The following NT5DC1 variants were observed in gnomAD, a reference collection of about 807,000 sequenced individuals.
NT5DC1 encodes 5'-nucleotidase domain-containing protein 1.
NT5DC1 carries 42 observed loss-of-function variants against 59.4 expected under a neutral mutation model. The observed-to-expected ratio is 0.71, with a 90% CI of 0.55 to 0.92. The LOEUF is 0.92. Among genes scored for constraint, NT5DC1 ranks in the 40% least tolerant of loss-of-function variants. The pLI is 0.00. For missense variants in NT5DC1, 501 were observed against 537.1 expected, an observed-to-expected ratio of 0.93 and a Z score of 0.66; for synonymous variants, 172 against 188.1, an observed-to-expected ratio of 0.91 and a Z score of 0.70.
At chr6:116,111,583 C>G (rs777699062) in intron 4 of NT5DC1, among the ~76,000 whole-genome samples, 2 of 152,030 alleles carry the variant, frequency 1.3e-5, no homozygotes, top group Non-Finnish European at 2.9e-5. Flanking sequence ...TTTATTTGTT[C>G]CAATTTTTTT....
chr6:116,129,798 C>T (rs1779417797), intron 6 of NT5DC1, among the ~76,000 whole-genome samples: 2 of 152,114 alleles, frequency 1.3e-5, no homozygotes, highest in African/African-American at 4.8e-5. Flanking sequence ...GTTGAAAAGC[C>T]GTGTCATCTG....
intron 6 of NT5DC1, among the ~76,000 whole-genome samples, chr6:116,178,088 T>TGTGTGTGTGTGTGTGCGC (rs1491426656): frequency 2.0e-5 from 2 of 99,624 alleles, no homozygotes; most frequent in African/African-American, 9.3e-5. Context: ...TGTGTGTGTG[T>TGTGTGTGTGTGTGTGCGC]GCGCGCGCGC....
At chr6:116,236,933 A>C (rs1353562794) in intron 8 of NT5DC1, 33 bp from the exon 9 acceptor site, 2 of 1,388,340 alleles carry the variant, frequency 1.4e-6, no homozygotes, top group Admixed American at 3.4e-5. Flanking sequence ...TCACTTGATT[A>C]AAAAGTATAT....
chr6:116,125,613 C>A (rs570719299), intron 6 of NT5DC1: 7 of 968,546 alleles, frequency 7.2e-6, no homozygotes, highest in Admixed American at 2.2e-5. Flanking sequence ...CTTTTTTAAC[C>A]TATCCTATAT....
intron 6 of NT5DC1, among the ~76,000 whole-genome samples, chr6:116,143,175 A>G (rs1582831118): frequency 6.6e-6 from 1 of 152,156 alleles, no homozygotes; most frequent in Non-Finnish European, 1.5e-5. Flanking sequence ...CATAGATAAT[A>G]TTAAAAGAGA....
chr6:116,218,326 A>G (rs963041858), intron 6 of NT5DC1, among the ~76,000 whole-genome samples: 1 of 152,176 alleles, frequency 6.6e-6, no homozygotes, highest in Non-Finnish European at 1.5e-5. Flanking sequence ...CATATAGCTA[A>G]GAAAAAATAA....
At chr6:116,156,421 A>G (rs1288101559) in intron 6 of NT5DC1, among the ~76,000 whole-genome samples, 1 of 152,208 alleles carries the variant, frequency 6.6e-6, no homozygotes, top group Non-Finnish European at 1.5e-5. Context: ...AATGTGTTCC[A>G]TTATCTTTGC....
chr6:116,180,105 G>A (rs904222170), intron 6 of NT5DC1, among the ~76,000 whole-genome samples: 13 of 151,894 alleles, frequency 8.6e-5, no homozygotes, highest in African/African-American at 3.1e-4. Context: ...TATCCCCAAA[G>A]GATAAGTGTT....
chr6:116,149,764 G>A (rs1294132532), intron 6 of NT5DC1, among the ~76,000 whole-genome samples: 2 of 152,214 alleles, frequency 1.3e-5, no homozygotes, highest in African/African-American at 2.4e-5. Flanking sequence ...AATAAGTGGT[G>A]AAAGAGTTAT....
At position 116,163,135 on chromosome 6, in the gene NT5DC1, A is replaced by ATAT. The variant is rs1554197048; in HGVS notation, c.529+45190_529+45191insTAT. On this transcript the variant is annotated intron_variant, in intron 6 of 11. Coordinates refer to ENST00000319550, the MANE Select transcript of NT5DC1 (RefSeq NM_152729.3). ...CAGCGAGACTCCGTCTCAAAAAAAA[A>ATAT]AAAAAAATATATATATATATATATA... Among the ~76,000 whole-genome samples the ATAT allele has an allele frequency of 6.0e-3, 591 of 98,482 alleles. 5 individuals are homozygous for ATAT. The highest frequency in any genetic ancestry group is 0.035 in the East Asian group (94 of 2,712). The allele number at this position is 98,482 out of a possible 152,430, so 64.6% of individuals were successfully genotyped here. A position where few individuals can be genotyped will look rare whatever the true frequency, so the allele number is the denominator to read the frequency against.
intron 3 of NT5DC1, among the ~76,000 whole-genome samples, chr6:116,110,229 C>G (rs2114902547): frequency 6.6e-6 from 1 of 152,330 alleles, no homozygotes; most frequent in Non-Finnish European, 1.5e-5. Context: ...ATTCTCTTAA[C>G]TGGACAAAAG....
At chr6:116,162,732 T>G (rs944606871) in intron 6 of NT5DC1, among the ~76,000 whole-genome samples, 3 of 152,148 alleles carry the variant, frequency 2.0e-5, no homozygotes, top group African/African-American at 7.2e-5. Context: ...GGCCCATAGT[T>G]TTCTGTTTTT....
chr6:116,221,233 G>A lies in NT5DC1; in HGVS notation c.704+5G>A, dbSNP rs768839412. On this transcript the variant is annotated splice_donor_5th_base_variant and intron_variant, in intron 7 of 11. Transcript: ENST00000319550. ...TCTCTGCGAATATATTCTTGGGTGAGTGATGAGTCATTCAGTTTTCATTGT... is the reference window on the plus strand; with the variant it reads ...TCTCTGCGAATATATTCTTGGGTGAATGATGAGTCATTCAGTTTTCATTGT... 4.6e-6 allele frequency: 7 copies of A among 1,536,172 alleles called. No individual in the cohort carries two copies. In the South Asian group the frequency reaches 6.8e-5, roughly 15 times the overall value.
intron 6 of NT5DC1, among the ~76,000 whole-genome samples, chr6:116,208,405 T>A (rs1366742345): frequency 1.3e-5 from 2 of 152,002 alleles, no homozygotes; most frequent in African/African-American, 2.4e-5. Context: ...CCGTTTGAAA[T>A]GAAAGCTACA....
At chr6:116,124,971 T>C (rs1779249269) in intron 6 of NT5DC1, among the ~76,000 whole-genome samples, 1 of 152,224 alleles carries the variant, frequency 6.6e-6, no homozygotes, top group Non-Finnish European at 1.5e-5. Context: ...CTACCTTCTT[T>C]ATACAATTGG....
chr6:116,151,933 A>G (rs1223278478), intron 6 of NT5DC1, among the ~76,000 whole-genome samples: 3 of 152,354 alleles, frequency 2.0e-5, no homozygotes, highest in Middle Eastern at 3.4e-3. Flanking sequence ...TTTTATAAGA[A>G]CATGTTATTT....
chr6:116,121,761 C>A, intron 6 of NT5DC1: 1 of 1,613,922 alleles, frequency 6.2e-7, no homozygotes, highest in Non-Finnish European at 8.5e-7. Context: ...GGTCCTCTCT[C>A]TCCTGGTTTT....
chr6:116,129,430 G>A (rs1217280084), intron 6 of NT5DC1, among the ~76,000 whole-genome samples: 2 of 152,200 alleles, frequency 1.3e-5, no homozygotes, highest in Non-Finnish European at 2.9e-5. Flanking sequence ...TCTTTAAGAG[G>A]TGATGAGGTT....
intron 6 of NT5DC1, among the ~76,000 whole-genome samples, chr6:116,188,504 CAG>C (rs1274319222): frequency 2.0e-5 from 3 of 151,796 alleles, no homozygotes; most frequent in Admixed American, 6.6e-5. Flanking sequence ...ATCTTAAAAA[CAG>C]AAAATGAGAG....
Sources: allele counts gnomAD v4.1 joint callset (sites outside exome capture counted in the v4.1 genomes callset), GRCh38; gene constraint gnomAD v4.1.1; transcripts MANE v1.5; gene names NCBI Gene and HGNC (gene_info 2026-07-23, HGNC 2026-07-21).